GFOD2: variants seen among roughly 807,000 people sequenced by gnomAD.
The protein encoded by GFOD2 is Gfo/Idh/MocA-like oxidoreductase domain containing 2, also known as glucose-fructose oxidoreductase domain-containing protein 2.
A neutral mutation model predicts 24.6 loss-of-function variants in GFOD2; 9 were observed. That is an observed-to-expected ratio of 0.37 (90% CI 0.22 to 0.64). The LOEUF (loss-of-function observed/expected upper bound fraction) is 0.64. Among genes scored for constraint, GFOD2 ranks in the 30% least tolerant of loss-of-function variants. GFOD2 has a pLI of 0.65. For missense variants in GFOD2, 476 were observed against 532.5 expected (o/e 0.89, Z 1.04); for synonymous variants, 211 against 224.8 (o/e 0.94, Z 0.55).
chr16:67,679,325 T>C (rs2053206419), intron 2 of GFOD2, among the ~76,000 whole-genome samples: 2 of 151,486 alleles, frequency 1.3e-5, no homozygotes, highest in Non-Finnish European at 2.9e-5. Flanking sequence ...CTCTGCCTCC[T>C]GGGTTCAAGT....
At chr16:67,695,321 T>G (rs2053350721) in intron 1 of GFOD2, among the ~76,000 whole-genome samples, 1 of 152,010 alleles carries the variant, frequency 6.6e-6, no homozygotes, top group African/African-American at 2.4e-5. Flanking sequence ...TTCTCTTTGC[T>G]AATTCTGCCC....
intron 1 of GFOD2, among the ~76,000 whole-genome samples, chr16:67,716,003 G>A (rs2053503873): frequency 6.6e-6 from 1 of 152,136 alleles, no homozygotes; most frequent in African/African-American, 2.4e-5. Flanking sequence ...GCAAGACCCT[G>A]TCTCAAAAAT....
At chr16:67,678,637 C>G (rs1457071629) in intron 2 of GFOD2, among the ~76,000 whole-genome samples, 1 of 152,156 alleles carries the variant, frequency 6.6e-6, no homozygotes, top group African/African-American at 2.4e-5. Context: ...TCTCTCACTT[C>G]ACTGCTAGAT....
intron 1 of GFOD2, among the ~76,000 whole-genome samples, chr16:67,687,370 G>A (rs551163691): frequency 2.0e-5 from 3 of 151,982 alleles, no homozygotes; most frequent in Non-Finnish European, 2.9e-5. Context: ...GCCGGGTGCG[G>A]TGGCTCATGC....
intron 1 of GFOD2, among the ~76,000 whole-genome samples, chr16:67,708,798 A>AATGTG (rs1567661931): frequency 6.6e-6 from 1 of 152,012 alleles, no homozygotes. Context: ...CTTGATGCAC[A>AATGTG]CCTCTGTCCC....
chr16:67,716,259 C>T (rs924635217), intron 1 of GFOD2, among the ~76,000 whole-genome samples: 2 of 152,188 alleles, frequency 1.3e-5, no homozygotes, highest in Non-Finnish European at 2.9e-5. Flanking sequence ...AGGGTTTCCT[C>T]ATGGTTGGCC....
At position 67,718,071 on chromosome 16, in the gene GFOD2, TAA is replaced by T. The variant is rs559166626; in HGVS notation, c.-88+1090_-88+1091del. Among the ~76,000 whole-genome samples the T allele has an allele frequency of 6.6e-5, 10 of 152,342 alleles. No homozygotes were observed. In the South Asian group the frequency reaches 1.9e-3, roughly 28 times the overall value. ...TCTAGTGTAGCTTTCCAGAAGGAAA[TAA>T]GTTTCCTTATCAAGAATGAATCTAG... On this transcript the variant is annotated intron_variant, in intron 1 of 2. Transcript: ENST00000268797.
chr16:67,698,184 G>A (rs958760028), intron 1 of GFOD2, among the ~76,000 whole-genome samples: 4 of 152,148 alleles, frequency 2.6e-5, no homozygotes, highest in Non-Finnish European at 5.9e-5. Flanking sequence ...GGTTCTGGCA[G>A]AGCTGTGTTC....
intron 1 of GFOD2, among the ~76,000 whole-genome samples, chr16:67,695,032 G>C (rs147967797): frequency 2.4e-5 from 3 of 126,062 alleles, no homozygotes; most frequent in Non-Finnish European, 3.1e-5. Context: ...TCACTCTGTC[G>C]CCTAGGCTGG....
At chr16:67,693,911 G>C (rs972892702) in intron 1 of GFOD2, among the ~76,000 whole-genome samples, 1 of 151,710 alleles carries the variant, frequency 6.6e-6, no homozygotes, top group African/African-American at 2.4e-5. Context: ...CAGAGCAACA[G>C]AAAGACTCTG....
At chr16:67,687,163 A>G (rs1014677987) in intron 1 of GFOD2, among the ~76,000 whole-genome samples, 13 of 151,170 alleles carry the variant, frequency 8.6e-5, no homozygotes, top group East Asian at 1.9e-4. Flanking sequence ...AAAAAAAAAA[A>G]GAAAAGAAAA....
intron 1 of GFOD2, among the ~76,000 whole-genome samples, chr16:67,709,138 A>G (rs2053456794): frequency 6.6e-6 from 1 of 151,978 alleles, no homozygotes. Context: ...CTCCTTCTCC[A>G]CAAAAAATAC....
intron 1 of GFOD2, among the ~76,000 whole-genome samples, chr16:67,710,798 C>A (rs772274781): frequency 6.6e-6 from 1 of 152,136 alleles, no homozygotes; most frequent in Non-Finnish European, 1.5e-5. Context: ...TCCACTGACC[C>A]CTACCCTGCT....
chr16:67,698,425 T>C (rs1225440780), intron 1 of GFOD2, among the ~76,000 whole-genome samples: 2 of 152,248 alleles, frequency 1.3e-5, no homozygotes, highest in Non-Finnish European at 2.9e-5. Context: ...CACTGACTGT[T>C]TCCTGTCTAG....
chr16:67,707,058 C>CAA (rs34823143), intron 1 of GFOD2, among the ~76,000 whole-genome samples: 1,321 of 102,816 alleles, frequency 0.013, 27 homozygotes, highest in African/African-American at 0.045. Context: ...GACTCCATCT[C>CAA]AAAAAAAAAA....
intron 1 of GFOD2, among the ~76,000 whole-genome samples, chr16:67,710,186 G>T (rs556006250): frequency 3.3e-5 from 5 of 151,724 alleles, no homozygotes; most frequent in Non-Finnish European, 7.4e-5. Flanking sequence ...AGTGCAGTGG[G>T]GCGATCATAG....
intron 1 of GFOD2, among the ~76,000 whole-genome samples, chr16:67,687,534 G>A (rs1465417023): frequency 1.3e-5 from 2 of 151,484 alleles, no homozygotes; most frequent in African/African-American, 2.4e-5. Flanking sequence ...CCAGCTACTC[G>A]GGAGGCTGAG....
At chr16:67,705,237 C>T (rs982953265) in intron 1 of GFOD2, among the ~76,000 whole-genome samples, 4 of 152,012 alleles carry the variant, frequency 2.6e-5, no homozygotes, top group African/African-American at 7.3e-5. Context: ...AGACACAATC[C>T]CACTTTGTTG....
At chr16:67,693,277 C>A (rs972032421) in intron 1 of GFOD2, among the ~76,000 whole-genome samples, 9 of 149,642 alleles carry the variant, frequency 6.0e-5, no homozygotes, top group African/African-American at 2.2e-4. Context: ...CCACACCTGG[C>A]TTTTTGGGTT....
Sources: gnomAD v4.1 joint callset for allele counts (sites outside exome capture counted in the v4.1 genomes callset) on GRCh38, gnomAD v4.1.1 for gene constraint, MANE v1.5 for transcripts, NCBI Gene and HGNC (gene_info 2026-07-23, HGNC 2026-07-21) for gene names.